BNIP2: variants seen among roughly 807,000 people sequenced by gnomAD.
BNIP2 encodes BCL2 interacting protein 2, also known as BCL2/adenovirus E1B 19 kDa protein-interacting protein 2.
BNIP2 carries 36 observed loss-of-function variants against 43.4 expected under a neutral mutation model. That is an observed-to-expected ratio of 0.83 (90% CI 0.64 to 1.10). The LOEUF (loss-of-function observed/expected upper bound fraction) is 1.10, where lower values mean the gene tolerates loss of function less well. BNIP2 is among the 50% of genes least tolerant of loss of function. The pLI, the probability that BNIP2 is intolerant of heterozygous loss-of-function variation, is 0.00. For synonymous variants in BNIP2, 146 were observed against 121.0 expected (o/e 1.21, Z -1.35); for missense variants, 417 against 374.1 (o/e 1.11, Z -0.95).
intron 5 of BNIP2, among the ~76,000 whole-genome samples, chr15:59,673,027 A>C (rs183710276): frequency 8.7e-4 from 132 of 152,354 alleles, no homozygotes; most frequent in African/African-American, 3.0e-3. Flanking sequence ...GCAGGTAGAC[A>C]AATATAGTGA....
intron 4 of BNIP2, 81 bp downstream of exon 4, chr15:59,679,511 A>C (rs1468410335): frequency 2.9e-6 from 4 of 1,398,092 alleles, no homozygotes; most frequent in Non-Finnish European, 3.9e-6. Flanking sequence ...AAATATATGA[A>C]CTTTAGAAAG....
At chr15:59,675,210 C>T (rs1167573747) in intron 5 of BNIP2, among the ~76,000 whole-genome samples, 2 of 149,384 alleles carry the variant, frequency 1.3e-5, no homozygotes, top group African/African-American at 5.0e-5. Flanking sequence ...GATTGCGCCA[C>T]TGCACTCCAG....
intron 5 of BNIP2, among the ~76,000 whole-genome samples, chr15:59,674,130 T>C (rs904982512): frequency 6.8e-6 from 1 of 147,718 alleles, no homozygotes; most frequent in Non-Finnish European, 1.5e-5. Flanking sequence ...ACAAACTAAA[T>C]TACATCTCTG....
chr15:59,670,435 CAAAACA>C (rs1566959915), intron 7 of BNIP2, among the ~76,000 whole-genome samples: 1 of 151,886 alleles, frequency 6.6e-6, no homozygotes, highest in Non-Finnish European at 1.5e-5. Context: ...TGTCTCAAAA[CAAAACA>C]AAAACAAAAA....
Position 59,661,859 on chromosome 15 carries a change from T to C in BNIP2, c.*2210A>G, listed in dbSNP as rs1354034509. On this transcript the variant is annotated 3_prime_UTR_variant, in exon 10 of 10. Transcript: ENST00000607373. ...GATCTTAAATCTTATAAAACATTTA[T>C]TGTGGGTACATCTCTATACCAGATT... is the stretch of plus-strand genomic sequence containing the variant. 4 of 152,234 alleles carry C rather than the reference T, an allele frequency of 2.6e-5. No homozygotes were observed. Among genetic ancestry groups the C allele is most frequent in the African/African-American group, 9.6e-5 (4 of 41,456 alleles). The allele number at this position is 152,234 out of a possible 1,614,324, so 9.4% of individuals were successfully genotyped here.
At chr15:59,678,810 C>T (rs1409989236) in intron 4 of BNIP2, 22 of 1,302,510 alleles carry the variant, frequency 1.7e-5, no homozygotes, top group African/African-American at 7.6e-5. Flanking sequence ...AAGCTGTTAA[C>T]GGAAAATATC....
intron 9 of BNIP2, 29 bp downstream of exon 9, chr15:59,668,863 T>A: frequency 6.5e-7 from 1 of 1,549,250 alleles, no homozygotes. Flanking sequence ...TAAGATCCAA[T>A]ACAATTAAGG....
intron 5 of BNIP2, chr15:59,677,707 T>G: frequency 8.7e-7 from 1 of 1,148,376 alleles, no homozygotes; most frequent in Non-Finnish European, 1.1e-6. Context: ...TTTCCATTAG[T>G]GCCCCTTGTG....
At chr15:59,679,403 G>T in intron 4 of BNIP2, 189 bp downstream of exon 4, 1 of 485,286 alleles carries the variant, frequency 2.1e-6, no homozygotes, top group Non-Finnish European at 3.5e-6. Context: ...AGAGCAGTGG[G>T]CAAATAAGAG....
chr15:59,671,430 G>A (rs999848588), intron 6 of BNIP2, 116 bp from the exon 7 acceptor site: 19 of 854,448 alleles, frequency 2.2e-5, no homozygotes, highest in Non-Finnish European at 3.0e-5. Context: ...GAGCAACAAT[G>A]AAAATGCTCA....
intron 1 of BNIP2, among the ~76,000 whole-genome samples, chr15:59,688,147 G>C (rs576490569): frequency 6.6e-6 from 1 of 152,162 alleles, no homozygotes; most frequent in African/African-American, 2.4e-5. Context: ...TGAAGACTAG[G>C]AATAGAGTTT....
At chr15:59,674,098 AAAC>A (rs1259985480) in intron 5 of BNIP2, among the ~76,000 whole-genome samples, 1 of 149,800 alleles carries the variant, frequency 6.7e-6, no homozygotes, top group Admixed American at 6.6e-5. Flanking sequence ...CTCAAAAAAA[AAAC>A]AAAAACAAAA....
intron 5 of BNIP2, chr15:59,677,392 C>T (rs1893373932): frequency 5.9e-6 from 9 of 1,519,734 alleles, no homozygotes; most frequent in East Asian, 2.5e-5. Context: ...GTTGGTTTTC[C>T]GTACTCCAAA....
intron 6 of BNIP2, among the ~76,000 whole-genome samples, chr15:59,671,947 G>A (rs147535855): frequency 5.3e-5 from 8 of 152,276 alleles, no homozygotes; most frequent in African/African-American, 1.9e-4. Context: ...GTGGTGACAT[G>A]TGCCTGCAGT....
chr15:59,679,641 T>A lies in BNIP2; in HGVS notation c.246A>T (p.Leu82Phe), dbSNP rs1478077287. The A allele has an allele frequency of 1.2e-6, 2 of 1,613,232 alleles. 1 individual carries two copies. Among genetic ancestry groups the A allele is most frequent in the African/African-American group, 2.7e-5 (2 of 74,878 alleles). The change falls in exon 4 of 10, where the codon TTA becomes TTT. Residue 82 changes from leucine to phenylalanine, a missense_variant. Coordinates refer to ENST00000607373, the MANE Select transcript of BNIP2 (RefSeq NM_004330.4). Reference sequence around the variant, plus strand: ...TCTCTGACGGTGTGTCTAAGCCATCTAAGTCAATCTCCCCACTTTCATCCA... The same window carrying A: ...TCTCTGACGGTGTGTCTAAGCCATCAAAGTCAATCTCCCCACTTTCATCCA... Reference protein sequence around the residue: ...DDLDESGEIDLDGLDTPSENS... With the variant: ...DDLDESGEIDFDGLDTPSENS...
At chr15:59,664,660 C>T (rs996517889) in intron 9 of BNIP2, among the ~76,000 whole-genome samples, 2 of 152,084 alleles carry the variant, frequency 1.3e-5, no homozygotes, top group Non-Finnish European at 2.9e-5. Context: ...GGATTACAGG[C>T]GTGAGCCACC....
chr15:59,687,974 C>G (rs1443946125), intron 1 of BNIP2, among the ~76,000 whole-genome samples: 6 of 152,124 alleles, frequency 3.9e-5, no homozygotes, highest in African/African-American at 1.2e-4. Context: ...ACAGAAGAAG[C>G]CTGTAATGCC....
chr15:59,688,640 C>T, intron 1 of BNIP2: 1 of 1,426,456 alleles, frequency 7.0e-7, no homozygotes. Flanking sequence ...CGTACACACT[C>T]TGTATTTGGT....
Position 59,677,782 on chromosome 15 carries a change from C to T in BNIP2, c.472+129G>A, listed in dbSNP as rs948120753. The T allele has an allele frequency of 1.7e-5, 21 of 1,239,002 alleles. No homozygotes were observed. In the Admixed American group the frequency reaches 2.2e-4, roughly 13 times the overall value. 76.8% of individuals were successfully genotyped at this position (1,239,002 alleles called of 1,614,324 possible). A position where few individuals can be genotyped will look rare whatever the true frequency, so the allele number is the denominator to read the frequency against. ...GCAGGAAGAAATGTCCTACAAAAGA[C>T]GAGTCTCTCAACCTAGCGCCTGTGT... On this transcript the variant is annotated intron_variant, in intron 5 of 9. Coordinates refer to ENST00000607373, the MANE Select transcript of BNIP2 (RefSeq NM_004330.4).
Sources: gnomAD v4.1 joint callset for allele counts (sites outside exome capture counted in the v4.1 genomes callset) on GRCh38, gnomAD v4.1.1 for gene constraint, MANE v1.5 for transcripts, NCBI Gene and HGNC (gene_info 2026-07-23, HGNC 2026-07-21) for gene names.